The following UPP2 variants were observed in gnomAD, a reference collection of about 807,000 sequenced individuals.
UPP2 encodes the protein uridine phosphorylase 2, also known as UPase 2.
A neutral mutation model predicts 26.7 loss-of-function variants in UPP2; 23 were observed. The ratio of observed to expected loss-of-function variants is 0.86; its 90% CI spans 0.62 to 1.22. The LOEUF is 1.22. Among genes scored for constraint, UPP2 ranks in the 50% most tolerant of loss-of-function variants. UPP2 has a pLI of 0.00. For synonymous variants in UPP2, 127 were observed against 141.3 expected (o/e 0.90, Z 0.72); for missense variants, 387 against 396.7 (o/e 0.98, Z 0.21).
upstream of UPP2, among the ~76,000 whole-genome samples, chr2:158,097,554 T>G (rs1164075055): frequency 6.6e-6 from 1 of 152,228 alleles, no homozygotes; most frequent in Non-Finnish European, 1.5e-5. Flanking sequence ...TACACAATTA[T>G]TAAAACTTTT....
At chr2:158,000,254 T>C (rs905894166) in intron 2 of UPP2, among the ~76,000 whole-genome samples, 5 of 152,122 alleles carry the variant, frequency 3.3e-5, no homozygotes, top group Admixed American at 2.6e-4. Context: ...AGTGGCTCTT[T>C]TTCCTGCTTT....
intron 2 of UPP2, among the ~76,000 whole-genome samples, chr2:158,108,885 A>AGT (rs1553469627): frequency 2.1e-4 from 26 of 122,890 alleles, no homozygotes; most frequent in African/African-American, 8.8e-4. Context: ...AGGAGGCAAA[A>AGT]GCGTGTGTGT....
chr2:158,130,380 G>A (rs984037271), intron 6 of UPP2, among the ~76,000 whole-genome samples: 1 of 151,690 alleles, frequency 6.6e-6, no homozygotes, highest in Non-Finnish European at 1.5e-5. Context: ...GAACCCAGGA[G>A]GCAGAGCTTG....
At chr2:158,049,232 G>T (rs1682105939) in intron 3 of UPP2, among the ~76,000 whole-genome samples, 2 of 152,188 alleles carry the variant, frequency 1.3e-5, no homozygotes, top group South Asian at 4.1e-4. Flanking sequence ...CATGAGAGAT[G>T]GGTAGTTTAT....
At chr2:158,010,769 T>TC (rs199856105) in intron 2 of UPP2, among the ~76,000 whole-genome samples, 75,065 of 133,074 alleles carry the variant, frequency 0.56, 21,743 homozygotes, top group Admixed American at 0.72. Context: ...TTTTCTTTTT[T>TC]TTTTTTTTTT....
Position 158,115,279 on chromosome 2 carries a change from T to C in UPP2, c.339+20T>C, listed in dbSNP as rs563337993. 17 of 1,583,090 alleles carry C rather than the reference T, an allele frequency of 1.1e-5. No individual in the cohort carries two copies. In the South Asian group the frequency reaches 2.0e-4, roughly 18 times the overall value. On this transcript the variant is annotated intron_variant, in intron 3 of 6. Transcript: ENST00000005756. Reference sequence around the variant, plus strand: ...ATCAGTGTAAGTATCCATGGTTGCATTTCAGCTAGTCATTGCAGGCTAGAG... The same window carrying C: ...ATCAGTGTAAGTATCCATGGTTGCACTTCAGCTAGTCATTGCAGGCTAGAG...
chr2:158,113,306 C>A lies in UPP2; in HGVS notation c.181-1795C>A, dbSNP rs546754694. 3.3e-5 allele frequency among the ~76,000 whole-genome samples: 5 copies of A among 152,252 alleles called. No homozygotes were observed. In the South Asian group the frequency reaches 8.3e-4, roughly 25 times the overall value. On this transcript the variant is annotated intron_variant, in intron 2 of 6. Coordinates refer to ENST00000005756, the MANE Select transcript of UPP2 (RefSeq NM_173355.4). ...CACAATGAGGTTATTTTCAAACTAC[C>A]GTACTGTGTTAAAAAATTTCCTTGG...
chr2:158,123,271 G>A (rs1228573308), intron 5 of UPP2, among the ~76,000 whole-genome samples: 1 of 152,162 alleles, frequency 6.6e-6, no homozygotes, highest in Non-Finnish European at 1.5e-5. Flanking sequence ...GGGGGAAGGT[G>A]GACAATGTCG....
intron 3 of UPP2, among the ~76,000 whole-genome samples, chr2:158,044,570 G>A (rs1684124833): frequency 1.3e-5 from 2 of 152,104 alleles, no homozygotes; most frequent in South Asian, 4.2e-4. Context: ...ACAGGGAACA[G>A]GAAATGAGAT....
intron 6 of UPP2, among the ~76,000 whole-genome samples, chr2:158,132,233 A>G (rs1683833562): frequency 6.6e-6 from 1 of 152,266 alleles, no homozygotes; most frequent in Admixed American, 6.5e-5. Flanking sequence ...CTCAAGTTGA[A>G]TATTTTCATT....
rs1172691234 is a variant in UPP2, at chr2:158,102,108, CAGGAATACAT to C, written c.47_56del (p.Arg16MetfsTer16). The C allele has an allele frequency of 3.1e-6, 5 of 1,613,252 alleles. No homozygotes were observed. The East Asian group carries it at 6.7e-5, about 22-fold the overall frequency. On this transcript the variant is annotated frameshift_variant, in exon 1 of 7. Coordinates refer to ENST00000005756, the MANE Select transcript of UPP2 (RefSeq NM_173355.4). LOFTEE classifies it high-confidence loss of function. ...CCTCCAATAGGTCCATGAGATCTGA[CAGGAATACAT>C]ATGTTGGGTGAGTAATTTTGATTTT...
chr2:158,037,773 A>G (rs1684026536), intron 3 of UPP2, among the ~76,000 whole-genome samples: 1 of 145,142 alleles, frequency 6.9e-6, no homozygotes, highest in South Asian at 2.2e-4. Context: ...ATTTAATTAC[A>G]TCTGCAACGA....
At position 158,059,822 on chromosome 2, in the gene UPP2, TAAGTTC is replaced by T. The variant is rs1682325211; in HGVS notation, c.148-42215_148-42210del. On this transcript the variant is annotated intron_variant, in intron 3 of 9. Transcript: ENST00000605860. The stretch of plus-strand genomic sequence containing the variant: ...TCATACCCTAGCTGTTCATGGCTTC[TAAGTTC>T]AATGTTCTATCTGGACCTTTCATCC... 2.0e-5 allele frequency among the ~76,000 whole-genome samples: 3 copies of T among 152,168 alleles called. No homozygotes were observed. The South Asian group carries it at 6.2e-4, about 32-fold the overall frequency.
At chr2:158,087,948 T>G (rs1682842953) in intron 3 of UPP2, among the ~76,000 whole-genome samples, 1 of 152,220 alleles carries the variant, frequency 6.6e-6, no homozygotes, top group African/African-American at 2.4e-5. Flanking sequence ...TTAGAAAACC[T>G]GATGACTATG....
chr2:158,121,912 A>G (rs1168462445), intron 5 of UPP2, among the ~76,000 whole-genome samples: 1 of 152,046 alleles, frequency 6.6e-6, no homozygotes, highest in African/African-American at 2.4e-5. Flanking sequence ...AACTTAAATT[A>G]GCAGCTCTAA....
At chr2:158,023,219 T>A (rs1683780540) in intron 3 of UPP2, among the ~76,000 whole-genome samples, 2 of 88,202 alleles carry the variant, frequency 2.3e-5, no homozygotes, top group Non-Finnish European at 5.2e-5. Flanking sequence ...GGTCATGGGG[T>A]TGCTGTCAGT....
At chr2:158,056,806 G>A (rs1157701400) in intron 3 of UPP2, among the ~76,000 whole-genome samples, 1 of 152,178 alleles carries the variant, frequency 6.6e-6, no homozygotes, top group Non-Finnish European at 1.5e-5. Context: ...TTTCAATTAA[G>A]GTGGTATTCT....
At chr2:158,085,335 T>C (rs538265379) in intron 3 of UPP2, among the ~76,000 whole-genome samples, 1 of 152,316 alleles carries the variant, frequency 6.6e-6, no homozygotes, top group African/African-American at 2.4e-5. Context: ...GCTACTGATT[T>C]TCATACATTA....
chr2:158,122,622 G>A (rs1207747763), intron 5 of UPP2, among the ~76,000 whole-genome samples: 1 of 152,116 alleles, frequency 6.6e-6, no homozygotes, highest in African/African-American at 2.4e-5. Context: ...TTTTAAAAAT[G>A]TGAATTATTT....
Sources: allele counts gnomAD v4.1 joint callset (sites outside exome capture counted in the v4.1 genomes callset), GRCh38; gene constraint gnomAD v4.1.1; transcripts MANE v1.5; gene names NCBI Gene and HGNC (gene_info 2026-07-23, HGNC 2026-07-21).